The following TENM3 variants were observed in gnomAD, a reference collection of about 807,000 sequenced individuals.
TENM3 encodes the protein teneurin transmembrane protein 3, also known as teneurin-3.
A neutral mutation model predicts 255.1 loss-of-function variants in TENM3; 63 were observed. The observed-to-expected ratio is 0.25, with a 90% CI of 0.20 to 0.30. The LOEUF (loss-of-function observed/expected upper bound fraction) is 0.30. Among genes scored for constraint, TENM3 ranks in the 10% least tolerant of loss-of-function variants. The pLI, the probability that TENM3 is intolerant of heterozygous loss-of-function variation, is 1.00. For synonymous variants in TENM3, 1,306 were observed against 1,322.3 expected (o/e 0.99, Z 0.27); for missense variants, 2,929 against 3,461.1 (o/e 0.85, Z 3.86).
intron 12 of TENM3, among the ~76,000 whole-genome samples, chr4:182,710,338 T>C (rs1758661781): frequency 6.6e-6 from 1 of 152,212 alleles, no homozygotes. Context: ...GAAGGAATTA[T>C]AAAGAAATTA....
chr4:181,892,281 T>C, the TENM3 span, among the ~76,000 whole-genome samples: 1 of 152,172 alleles, frequency 6.6e-6, no homozygotes, highest in African/African-American at 2.4e-5. Flanking sequence ...TGAGTCCTAG[T>C]ATATATGCTT....
chr4:182,357,265 T>C (rs1357540639), intron 3 of TENM3, among the ~76,000 whole-genome samples: 1 of 151,638 alleles, frequency 6.6e-6, no homozygotes, highest in African/African-American at 2.4e-5. Flanking sequence ...ATGGTATTTC[T>C]AGTTCTAGAT....
chr4:182,549,232 A>G (rs1741769664), intron 3 of TENM3, among the ~76,000 whole-genome samples: 1 of 152,260 alleles, frequency 6.6e-6, no homozygotes, highest in African/African-American at 2.4e-5. Flanking sequence ...ATGTCAGCAC[A>G]GTAATTATAG....
chr4:182,643,591 T>G (rs1004107860), intron 5 of TENM3, among the ~76,000 whole-genome samples: 1 of 152,112 alleles, frequency 6.6e-6, no homozygotes, highest in African/African-American at 2.4e-5. Flanking sequence ...CTTGCCAAAG[T>G]TCCACAATTA....
intron 3 of TENM3, among the ~76,000 whole-genome samples, chr4:182,430,338 G>C (rs1771529478): frequency 6.6e-6 from 1 of 152,022 alleles, no homozygotes; most frequent in Non-Finnish European, 1.5e-5. Context: ...CACGAGGTCA[G>C]GACATCAAGA....
the TENM3 span, among the ~76,000 whole-genome samples, chr4:181,657,322 C>G: frequency 1.3e-5 from 2 of 152,140 alleles, no homozygotes; most frequent in African/African-American, 4.8e-5. Flanking sequence ...AACAATTCAA[C>G]AAGCATAAAA....
the TENM3 span, among the ~76,000 whole-genome samples, chr4:181,724,522 T>A: frequency 1.3e-5 from 2 of 152,228 alleles, no homozygotes; most frequent in African/African-American, 4.8e-5. Context: ...AACTTATTTT[T>A]AATAACACCT....
At chr4:182,562,300 T>C (rs1229009301) in intron 3 of TENM3, among the ~76,000 whole-genome samples, 1 of 152,188 alleles carries the variant, frequency 6.6e-6, no homozygotes, top group Non-Finnish European at 1.5e-5. Flanking sequence ...TATCCCATCC[T>C]AGGAATGAGA....
the TENM3 span, among the ~76,000 whole-genome samples, chr4:181,745,156 A>G: frequency 1.6e-4 from 24 of 152,182 alleles, no homozygotes; most frequent in African/African-American, 3.4e-4. Flanking sequence ...CCAATAAAGT[A>G]GAAAGAAACC....
intron 1 of TENM3, among the ~76,000 whole-genome samples, chr4:182,202,979 G>T (rs993784391): frequency 1.3e-5 from 2 of 152,172 alleles, no homozygotes; most frequent in African/African-American, 4.8e-5. Context: ...ACTTTGGGAG[G>T]CCGGGGCGGG....
the TENM3 span, among the ~76,000 whole-genome samples, chr4:181,537,036 C>CT: frequency 6.6e-6 from 1 of 151,962 alleles, no homozygotes; most frequent in Non-Finnish European, 1.5e-5. Context: ...GTAAAGAGAA[C>CT]TTTTTTTAAA....
At chr4:182,384,577 G>A (rs1354111269) in intron 3 of TENM3, among the ~76,000 whole-genome samples, 1 of 152,052 alleles carries the variant, frequency 6.6e-6, no homozygotes, top group African/African-American at 2.4e-5. Context: ...AAACACCACC[G>A]ATATTGAAAT....
At chr4:182,256,282 C>T (rs1245342974) in intron 1 of TENM3, among the ~76,000 whole-genome samples, 2 of 152,196 alleles carry the variant, frequency 1.3e-5, no homozygotes, top group East Asian at 3.9e-4. Flanking sequence ...GGCTCCATCT[C>T]AGCCTGTCTT....
chr4:182,374,295 G>A (rs1440628861), intron 3 of TENM3, among the ~76,000 whole-genome samples: 1 of 152,062 alleles, frequency 6.6e-6, no homozygotes, highest in Admixed American at 6.6e-5. Flanking sequence ...TTTCAATCCT[G>A]CTGTTTTTTT....
chr4:182,585,438 T>C (rs1745919798), intron 3 of TENM3, among the ~76,000 whole-genome samples: 1 of 152,150 alleles, frequency 6.6e-6, no homozygotes, highest in South Asian at 2.1e-4. Context: ...AACGAGGTCA[T>C]CAGGGTGTAG....
intron 3 of TENM3, among the ~76,000 whole-genome samples, chr4:182,453,026 GTATA>G (rs10531343): frequency 1.3e-4 from 19 of 150,168 alleles, no homozygotes; most frequent in East Asian, 5.9e-4. Context: ...TTTTATATGT[GTATA>G]TATATATATA....
chr4:181,799,585 G>A, the TENM3 span, among the ~76,000 whole-genome samples: 1 of 152,262 alleles, frequency 6.6e-6, no homozygotes, highest in South Asian at 2.1e-4. Context: ...CCAGAAAATA[G>A]CAGCAGACAT....
chr4:182,477,337 T>A (rs939559076), intron 3 of TENM3, among the ~76,000 whole-genome samples: 7 of 152,216 alleles, frequency 4.6e-5, no homozygotes, highest in Non-Finnish European at 7.3e-5. Flanking sequence ...GTGAAGACAC[T>A]GTCTTCCGTC....
At chr4:182,615,061 A>G (rs1749362097) in intron 4 of TENM3, among the ~76,000 whole-genome samples, 1 of 125,744 alleles carries the variant, frequency 8.0e-6, no homozygotes, top group African/African-American at 2.8e-5. Flanking sequence ...ATATATATAT[A>G]TATATGTATT....
Sources: gnomAD v4.1 joint callset for allele counts (sites outside exome capture counted in the v4.1 genomes callset) on GRCh38, gnomAD v4.1.1 for gene constraint, MANE v1.5 for transcripts, NCBI Gene and HGNC (gene_info 2026-07-23, HGNC 2026-07-21) for gene names.